CCSER1: variants seen among roughly 807,000 people sequenced by gnomAD.
CCSER1 encodes coiled-coil serine rich protein 1, also known as serine-rich coiled-coil domain-containing protein 1.
Under a neutral mutation model 82.0 loss-of-function variants are expected in CCSER1, and 41 were observed. The observed-to-expected ratio is 0.50, with a 90% CI of 0.39 to 0.65. The LOEUF is 0.65. Among genes scored for constraint, CCSER1 ranks in the 30% least tolerant of loss-of-function variants. The pLI, the probability that CCSER1 is intolerant of heterozygous loss-of-function variation, is 0.00. For synonymous variants in CCSER1, 414 were observed against 383.9 expected, an observed-to-expected ratio of 1.08 and a Z score of -0.92; for missense variants, 1,119 against 1,064.2, an observed-to-expected ratio of 1.05 and a Z score of -0.72.
intron 7 of CCSER1, among the ~76,000 whole-genome samples, chr4:90,745,619 A>G (rs929686223): frequency 6.8e-6 from 1 of 147,108 alleles, no homozygotes; most frequent in Non-Finnish European, 1.5e-5. Flanking sequence ...GTTGATTGTT[A>G]TATTAATACA....
At chr4:90,734,292 A>AT (rs1326164379) in intron 7 of CCSER1, among the ~76,000 whole-genome samples, 1 of 151,544 alleles carries the variant, frequency 6.6e-6, no homozygotes. Context: ...CGCCCGGCTA[A>AT]TTTTTTGTAT....
intron 6 of CCSER1, among the ~76,000 whole-genome samples, chr4:90,704,152 C>G (rs923459078): frequency 6.6e-6 from 1 of 152,090 alleles, no homozygotes; most frequent in Non-Finnish European, 1.5e-5. Context: ...TTCAGGAGCT[C>G]TTTTAGGGCA....
intron 10 of CCSER1, among the ~76,000 whole-genome samples, chr4:91,170,978 C>T (rs1403227784): frequency 1.3e-5 from 2 of 152,184 alleles, no homozygotes; most frequent in Non-Finnish European, 2.9e-5. Context: ...GGCCACATGT[C>T]CTCTCCTGAT....
At position 91,209,703 on chromosome 4, in the gene CCSER1, G is replaced by A. The variant is rs114553808; in HGVS notation, c.2217+123709G>A. ...TTTGTTGTGTCTCTCCCATAACTTC[G>A]TATCAGGATGATGCTGGCCTCGTAG... is the stretch of plus-strand genomic sequence containing the variant. On this transcript the variant is annotated intron_variant, in intron 10 of 10. Coordinates refer to ENST00000509176, the MANE Select transcript of CCSER1 (RefSeq NM_001145065.2). 4.1e-3 allele frequency among the ~76,000 whole-genome samples: 621 copies of A among 151,896 alleles called. 2 individuals are homozygous for A. The highest frequency in any genetic ancestry group is 6.8e-3 in the Non-Finnish European group (461 of 67,838).
At chr4:90,605,747 A>G (rs1006447254) in intron 5 of CCSER1, among the ~76,000 whole-genome samples, 2 of 152,158 alleles carry the variant, frequency 1.3e-5, no homozygotes, top group Admixed American at 6.6e-5. Flanking sequence ...ATGATTTTTT[A>G]TAATTTTTTT....
intron 10 of CCSER1, among the ~76,000 whole-genome samples, chr4:91,468,221 A>C (rs1431514327): frequency 6.6e-6 from 1 of 152,174 alleles, no homozygotes. Flanking sequence ...ATGAAGCTGG[A>C]AACCATCATT....
At chr4:91,013,237 T>G (rs1195302570) in intron 9 of CCSER1, among the ~76,000 whole-genome samples, 1 of 134,252 alleles carries the variant, frequency 7.4e-6, no homozygotes, top group African/African-American at 2.5e-5. Flanking sequence ...TTGACTTGAT[T>G]TTTATGTATC....
At chr4:91,553,529 C>T (rs1270748315) in intron 10 of CCSER1, among the ~76,000 whole-genome samples, 4 of 150,680 alleles carry the variant, frequency 2.7e-5, no homozygotes, top group African/African-American at 4.9e-5. Context: ...GGCTTCTCTT[C>T]GTCGGGAGAT....
At chr4:91,091,247 T>A (rs1452758330) in intron 10 of CCSER1, among the ~76,000 whole-genome samples, 1 of 152,208 alleles carries the variant, frequency 6.6e-6, no homozygotes, top group Non-Finnish European at 1.5e-5. Context: ...GTATCATTTA[T>A]GAGTCCTCAC....
intron 10 of CCSER1, among the ~76,000 whole-genome samples, chr4:91,545,982 G>A (rs1287378505): frequency 6.6e-6 from 1 of 151,934 alleles, no homozygotes; most frequent in African/African-American, 2.4e-5. Context: ...GCTGAGTGTT[G>A]GTATCATGAC....
At chr4:90,247,009 G>A (rs1189601874) in intron 1 of CCSER1, among the ~76,000 whole-genome samples, 2 of 152,112 alleles carry the variant, frequency 1.3e-5, no homozygotes, top group Non-Finnish European at 2.9e-5. Flanking sequence ...CACAAGCACA[G>A]TTGATATGAT....
At chr4:90,350,537 GA>G (rs1359206092) in intron 3 of CCSER1, among the ~76,000 whole-genome samples, 1 of 151,936 alleles carries the variant, frequency 6.6e-6, no homozygotes, top group Non-Finnish European at 1.5e-5. Context: ...AGAGTAATTT[GA>G]AAAACAACAA....
intron 7 of CCSER1, among the ~76,000 whole-genome samples, chr4:90,744,004 A>T (rs1414009125): frequency 2.6e-5 from 4 of 152,184 alleles, no homozygotes; most frequent in African/African-American, 9.7e-5. Context: ...GAATGTGGTG[A>T]GTCATGCAGA....
intron 10 of CCSER1, among the ~76,000 whole-genome samples, chr4:91,416,225 T>C (rs1311172747): frequency 6.6e-6 from 1 of 152,102 alleles, no homozygotes; most frequent in Non-Finnish European, 1.5e-5. Flanking sequence ...TGGAAAAACA[T>C]TCCATGCTCA....
At chr4:91,508,140 A>T (rs1183329330) in intron 10 of CCSER1, among the ~76,000 whole-genome samples, 3 of 116,628 alleles carry the variant, frequency 2.6e-5, no homozygotes, top group Admixed American at 9.3e-5. Context: ...TAGGACAGAG[A>T]TCCTTTTTTT....
chr4:90,859,868 T>G (rs1764873086), intron 8 of CCSER1, among the ~76,000 whole-genome samples: 1 of 151,722 alleles, frequency 6.6e-6, no homozygotes, highest in African/African-American at 2.4e-5. Context: ...TTAACACAGA[T>G]TTTATTTCAT....
At chr4:90,948,347 T>C (rs112269475) in intron 9 of CCSER1, among the ~76,000 whole-genome samples, 11,196 of 151,822 alleles carry the variant, frequency 0.074, 908 homozygotes, top group African/African-American at 0.2. Flanking sequence ...TTTCAGGCAA[T>C]CTTTTCCAAT....
intron 4 of CCSER1, among the ~76,000 whole-genome samples, chr4:90,437,353 T>G (rs1204660460): frequency 2.0e-5 from 3 of 152,160 alleles, no homozygotes; most frequent in Non-Finnish European, 4.4e-5. Context: ...GAACAATATA[T>G]TTTTATTTAG....
chr4:91,269,543 G>C (rs1490545478), intron 10 of CCSER1, among the ~76,000 whole-genome samples: 1 of 152,002 alleles, frequency 6.6e-6, no homozygotes, highest in Non-Finnish European at 1.5e-5. Context: ...GAAATATCTT[G>C]TTATTATTTA....
Sources: allele counts gnomAD v4.1 joint callset (sites outside exome capture counted in the v4.1 genomes callset), GRCh38; gene constraint gnomAD v4.1.1; transcripts MANE v1.5; gene names NCBI Gene and HGNC (gene_info 2026-07-23, HGNC 2026-07-21).